Variants in KLHL32 observed in about 807,000 individuals in gnomAD.
KLHL32 encodes the protein kelch-like protein 32.
KLHL32 carries 35 observed loss-of-function variants against 64.8 expected under a neutral mutation model. The ratio of observed to expected loss-of-function variants is 0.54; its 90% CI spans 0.41 to 0.72. KLHL32 has a LOEUF of 0.72. Ranked by LOEUF, KLHL32 falls within the 30% of genes least tolerant of loss-of-function variation. The pLI is 0.00. For synonymous variants in KLHL32, 259 were observed against 281.0 expected, an observed-to-expected ratio of 0.92 and a Z score of 0.78; for missense variants, 589 against 768.5, an observed-to-expected ratio of 0.77 and a Z score of 2.76.
Position 97,114,077 on chromosome 6 carries a change from C to A in KLHL32, c.922C>A (p.Arg308=). ...CGAGGTCTGCAAGGTCAAGGAACTT[C>A]GGTACTTCAATCCTGTTGATCAGGA... ...KREVCKVKEL[R]YFNPVDQENA... The change falls in exon 7 of 11, where the codon CGG becomes AGG. Residue 308 remains arginine, a synonymous_variant. Coordinates refer to ENST00000369261, the MANE Select transcript of KLHL32 (RefSeq NM_052904.4). 1 of 1,614,186 alleles carries A rather than the reference C, an allele frequency of 6.2e-7. No individual in the cohort carries two copies. Among genetic ancestry groups the A allele is most frequent in the Non-Finnish European group, 8.5e-7 (1 of 1,180,034 alleles).
intron 10 of KLHL32, among the ~76,000 whole-genome samples, chr6:97,135,123 C>T (rs930397007): frequency 9.9e-5 from 15 of 151,760 alleles, no homozygotes; most frequent in Non-Finnish European, 1.5e-5. Flanking sequence ...TAAGTTTCAC[C>T]TCTGAGATTG....
chr6:96,931,611 A>G (rs1019960343), intron 1 of KLHL32, among the ~76,000 whole-genome samples: 3 of 152,360 alleles, frequency 2.0e-5, no homozygotes, highest in South Asian at 4.1e-4. Context: ...GTGCAATTTC[A>G]TAATTCAGAT....
intron 1 of KLHL32, among the ~76,000 whole-genome samples, chr6:96,956,595 A>G (rs1433747585): frequency 2.0e-5 from 3 of 152,148 alleles, no homozygotes; most frequent in African/African-American, 7.2e-5. Flanking sequence ...TCTAACCCAC[A>G]TGCCTCTCCT....
chr6:97,019,650 C>T (rs1315199045), intron 3 of KLHL32, among the ~76,000 whole-genome samples: 4 of 152,150 alleles, frequency 2.6e-5, no homozygotes, highest in African/African-American at 9.7e-5. Context: ...TCAGTGTCCT[C>T]TCCAAACCTT....
upstream of KLHL32, among the ~76,000 whole-genome samples, chr6:96,921,976 C>A (rs1230594184): frequency 1.3e-5 from 2 of 152,196 alleles, no homozygotes; most frequent in African/African-American, 4.8e-5. Context: ...CAACCAAACT[C>A]TAGGATACTT....
intron 3 of KLHL32, among the ~76,000 whole-genome samples, chr6:97,014,067 G>A (rs1055160887): frequency 2.6e-5 from 4 of 152,042 alleles, no homozygotes; most frequent in Admixed American, 2.6e-4. Context: ...ACCACTTTGG[G>A]AGGCCGTGGC....
chr6:96,994,402 AT>A, intron 3 of KLHL32: 1 of 664,216 alleles, frequency 1.5e-6, no homozygotes, highest in Non-Finnish European at 1.9e-6. Context: ...AAATAAAACT[AT>A]ACAAATTATT....
upstream of KLHL32, among the ~76,000 whole-genome samples, chr6:96,923,157 T>A (rs1768809827): frequency 6.6e-6 from 1 of 152,190 alleles, no homozygotes; most frequent in Non-Finnish European, 1.5e-5. Flanking sequence ...CTCTATTTAA[T>A]TATACTAAAT....
At chr6:96,967,230 G>A (rs1774553495) in intron 2 of KLHL32, 147 bp downstream of exon 2, 1 of 667,750 alleles carries the variant, frequency 1.5e-6, no homozygotes, top group African/African-American at 1.8e-5. Context: ...ATTTACTGTG[G>A]TGGCACAAGG....
chr6:97,057,307 C>A (rs1788134550), intron 4 of KLHL32, among the ~76,000 whole-genome samples: 1 of 124,498 alleles, frequency 8.0e-6, no homozygotes, highest in South Asian at 2.4e-4. Flanking sequence ...CCTCAGCCTC[C>A]TGTGTAGCTG....
chr6:97,059,975 A>G (rs1788609194), intron 4 of KLHL32, among the ~76,000 whole-genome samples: 1 of 152,226 alleles, frequency 6.6e-6, no homozygotes, highest in South Asian at 2.1e-4. Context: ...AAATGGTATT[A>G]GACCACTCTA....
intron 7 of KLHL32, among the ~76,000 whole-genome samples, chr6:97,119,678 A>G (rs1362437966): frequency 6.6e-6 from 1 of 152,210 alleles, no homozygotes; most frequent in Admixed American, 6.5e-5. Context: ...ATGAACAAGC[A>G]TATTTTCTAA....
At chr6:96,934,504 G>T (rs1770333699) in intron 1 of KLHL32, among the ~76,000 whole-genome samples, 1 of 152,194 alleles carries the variant, frequency 6.6e-6, no homozygotes, top group South Asian at 2.1e-4. Context: ...GTGCTCTCCA[G>T]ATACTCAGTG....
intron 3 of KLHL32, among the ~76,000 whole-genome samples, chr6:97,024,137 T>C (rs1307492675): frequency 6.6e-6 from 1 of 152,220 alleles, no homozygotes; most frequent in Non-Finnish European, 1.5e-5. Flanking sequence ...CTTCTAATTT[T>C]AGTCAGAAAA....
At chr6:96,942,003 T>C (rs560842409) in intron 1 of KLHL32, among the ~76,000 whole-genome samples, 18 of 152,322 alleles carry the variant, frequency 1.2e-4, no homozygotes, top group Admixed American at 1.0e-3. Flanking sequence ...AAGACTGGCA[T>C]ATGTACTGTA....
chr6:97,109,639 C>T (rs934803572), intron 6 of KLHL32, among the ~76,000 whole-genome samples: 17 of 152,096 alleles, frequency 1.1e-4, no homozygotes, highest in African/African-American at 2.9e-4. Flanking sequence ...TAAAGATAAA[C>T]CGGAGGGTGT....
chr6:97,048,445 C>A (rs1415989339), intron 4 of KLHL32, among the ~76,000 whole-genome samples: 1 of 152,132 alleles, frequency 6.6e-6, no homozygotes, highest in Non-Finnish European at 1.5e-5. Flanking sequence ...ATTGTATCAC[C>A]ATTACTGTTC....
chr6:96,999,281 C>T (rs555195783), intron 3 of KLHL32, among the ~76,000 whole-genome samples: 12 of 152,084 alleles, frequency 7.9e-5, no homozygotes, highest in South Asian at 4.1e-4. Flanking sequence ...CTGTAGTCCT[C>T]GCTCCTTGGG....
chr6:96,925,320 G>C (rs1582347145), intron 1 of KLHL32, among the ~76,000 whole-genome samples: 1 of 152,004 alleles, frequency 6.6e-6, no homozygotes, highest in Non-Finnish European at 1.5e-5. Context: ...TGAAAGAACT[G>C]GTTTCTTAAA....
Sources: gnomAD v4.1 joint callset for allele counts (sites outside exome capture counted in the v4.1 genomes callset) on GRCh38, gnomAD v4.1.1 for gene constraint, MANE v1.5 for transcripts, NCBI Gene and HGNC (gene_info 2026-07-23, HGNC 2026-07-21) for gene names.